The following DPY19L4 variants were observed in gnomAD, a reference collection of about 807,000 sequenced individuals.
DPY19L4 encodes probable C-mannosyltransferase DPY19L4.
A neutral mutation model predicts 102.8 loss-of-function variants in DPY19L4; 97 were observed. That is an observed-to-expected ratio of 0.94 (90% CI 0.80 to 1.12). DPY19L4 has a LOEUF of 1.12. Ranked by LOEUF, DPY19L4 falls within the 50% of genes most tolerant of loss-of-function variation. DPY19L4 has a pLI of 0.00. For synonymous variants in DPY19L4, 252 were observed against 283.1 expected (o/e 0.89, Z 1.10); for missense variants, 815 against 850.4 (o/e 0.96, Z 0.52).
intron 2 of DPY19L4, among the ~76,000 whole-genome samples, chr8:94,733,838 G>A (rs902868051): frequency 2.0e-5 from 3 of 152,034 alleles, no homozygotes; most frequent in Admixed American, 6.6e-5. Flanking sequence ...TACCGCGCCC[G>A]GCCTATACTT....
intron 6 of DPY19L4, 111 bp downstream of exon 6, chr8:94,739,901 T>G (rs1394215569): frequency 7.9e-7 from 1 of 1,263,836 alleles, no homozygotes; most frequent in Admixed American, 2.1e-5. Flanking sequence ...TCAGAACCTA[T>G]GAATATGATG....
chr8:94,720,919 A>T (rs924331735), intron 1 of DPY19L4, among the ~76,000 whole-genome samples: 3 of 151,492 alleles, frequency 2.0e-5, no homozygotes, highest in African/African-American at 4.9e-5. Flanking sequence ...TGTGATAGTA[A>T]ATCGATCTAA....
intron 1 of DPY19L4, among the ~76,000 whole-genome samples, chr8:94,723,713 A>G (rs965737164): frequency 2.6e-5 from 4 of 152,188 alleles, no homozygotes; most frequent in Admixed American, 2.0e-4. Flanking sequence ...TTACAGTTTA[A>G]TGCCACTAAA....
At chr8:94,759,039 G>A (rs1056040968) in intron 7 of DPY19L4, among the ~76,000 whole-genome samples, 7 of 152,028 alleles carry the variant, frequency 4.6e-5, no homozygotes, top group African/African-American at 1.4e-4. Flanking sequence ...TCATGGTCTC[G>A]CTGACTTCAA....
chr8:94,769,512 C>A (rs1332531138), intron 12 of DPY19L4, among the ~76,000 whole-genome samples: 3 of 151,902 alleles, frequency 2.0e-5, no homozygotes, highest in Non-Finnish European at 4.4e-5. Context: ...AGAATAATTT[C>A]TTCTATTTAA....
intron 16 of DPY19L4, among the ~76,000 whole-genome samples, chr8:94,783,138 T>C (rs1206528963): frequency 1.3e-5 from 2 of 152,240 alleles, no homozygotes; most frequent in Non-Finnish European, 2.9e-5. Context: ...TTTTCCACTT[T>C]GCAAGTAGCA....
chr8:94,751,682 GTTTCACCATGTTGCCCAGGC>G (rs1181226976), intron 6 of DPY19L4, among the ~76,000 whole-genome samples: 1 of 151,792 alleles, frequency 6.6e-6, no homozygotes, highest in Non-Finnish European at 1.5e-5. Flanking sequence ...TAGAGATGGG[GTTTCACCATGTTGCCCAGGC>G]TGATCTCGAA....
chr8:94,778,597 A>G (rs534272522), intron 14 of DPY19L4, among the ~76,000 whole-genome samples: 1 of 152,224 alleles, frequency 6.6e-6, no homozygotes, highest in East Asian at 1.9e-4. Flanking sequence ...CCTCCTAAAA[A>G]ACAAAAATAA....
At chr8:94,741,407 A>G (rs879851475) in intron 6 of DPY19L4, among the ~76,000 whole-genome samples, 1 of 152,092 alleles carries the variant, frequency 6.6e-6, no homozygotes, top group Non-Finnish European at 1.5e-5. Context: ...ATATTTTTCT[A>G]TTTTCATTAG....
intron 16 of DPY19L4, 45 bp from the exon 17 acceptor site, chr8:94,783,625 G>A: frequency 6.2e-7 from 1 of 1,603,126 alleles, no homozygotes; most frequent in Non-Finnish European, 8.5e-7. Context: ...GATCTAAATA[G>A]TATACTTGCC....
In DPY19L4 at chr8:94,739,624, CTT is replaced by C. The variant is rs772665885; in HGVS notation, c.466-19_466-18del. 6.2e-7 allele frequency: 1 copy of C among 1,611,674 alleles called. No homozygotes were observed. The highest frequency in any genetic ancestry group is 8.5e-7 in the Non-Finnish European group (1 of 1,178,566). The stretch of plus-strand genomic sequence containing the variant: ...TAATGCCATCCTATTGTCTTGTTCT[CTT>C]TCTGTTTTTTCCACATAGGAGATTA... On this transcript the variant is annotated intron_variant, in intron 5 of 18. Coordinates refer to ENST00000414645, the MANE Select transcript of DPY19L4 (RefSeq NM_181787.3).
intron 11 of DPY19L4, among the ~76,000 whole-genome samples, chr8:94,766,975 T>A (rs1812702768): frequency 6.7e-6 from 1 of 148,620 alleles, no homozygotes; most frequent in African/African-American, 2.5e-5. Context: ...GAAGCTGAGG[T>A]GGGAGGACCA....
intron 13 of DPY19L4, among the ~76,000 whole-genome samples, chr8:94,771,372 TA>T (rs1320347592): frequency 1.3e-5 from 2 of 152,234 alleles, no homozygotes. Flanking sequence ...ATTCATTTGT[TA>T]AAAAACTATT....
chr8:94,753,728 C>A (rs1812043266), intron 6 of DPY19L4, among the ~76,000 whole-genome samples: 1 of 151,988 alleles, frequency 6.6e-6, no homozygotes, highest in South Asian at 2.1e-4. Flanking sequence ...AAAAATTAGC[C>A]AGGCGTGGTG....
chr8:94,738,251 G>T, intron 3 of DPY19L4, 118 bp from the exon 4 acceptor site: 1 of 260,360 alleles, frequency 3.8e-6, no homozygotes, highest in Non-Finnish European at 6.9e-6. Flanking sequence ...CCTACGAGGC[G>T]GAGGTTGCAG....
Position 94,761,730 on chromosome 8 carries a change from A to G in DPY19L4, c.766A>G (p.Thr256Ala), listed in dbSNP as rs145462618. The change falls in exon 8 of 19, where the codon ACT becomes GCT. Residue 256 changes from threonine (T) to alanine (A), a missense_variant. Physicochemically the swap from Thr to Ala is moderately conservative, Grantham distance 58. Transcript: ENST00000414645. ...RFCYLLMSAS[T>A]YTFMMMWEYS... is the part of the protein sequence containing the mutation. ...TTGCTACTTGTTGATGAGTGCTTCA[A>G]CTTACACATTTATGATGATGTGGGA... 106 of 1,608,746 alleles carry G rather than the reference A, an allele frequency of 6.6e-5. No homozygotes were observed. The highest frequency in any genetic ancestry group is 8.1e-5 in the Non-Finnish European group (96 of 1,178,272).
At chr8:94,772,525 G>A (rs1454942201) in intron 13 of DPY19L4, among the ~76,000 whole-genome samples, 1 of 152,224 alleles carries the variant, frequency 6.6e-6, no homozygotes, top group East Asian at 1.9e-4. Flanking sequence ...CCTCCCAGTG[G>A]AATCGTGCAG....
intron 10 of DPY19L4, 85 bp downstream of exon 10, chr8:94,765,894 A>G (rs1054888505): frequency 1.2e-6 from 1 of 848,570 alleles, no homozygotes; most frequent in South Asian, 1.7e-5. Flanking sequence ...ATAATGAGAT[A>G]GCACGTAATA....
intron 8 of DPY19L4, among the ~76,000 whole-genome samples, chr8:94,763,848 T>C (rs1443475863): frequency 1.3e-5 from 2 of 152,132 alleles, no homozygotes; most frequent in African/African-American, 2.4e-5. Flanking sequence ...TTTCTGTTTT[T>C]CACAGAGATG....
Sources: gnomAD v4.1 joint callset for allele counts (sites outside exome capture counted in the v4.1 genomes callset) on GRCh38, gnomAD v4.1.1 for gene constraint, MANE v1.5 for transcripts, NCBI Gene and HGNC (gene_info 2026-07-23, HGNC 2026-07-21) for gene names.